GORASP2: variants seen among roughly 807,000 people sequenced by gnomAD.
The protein encoded by GORASP2 is golgi reassembly stacking protein 2, also known as Golgi reassembly-stacking protein 2.
In GORASP2, 22 loss-of-function variants were observed where a neutral mutation model predicts 45.7. The observed-to-expected ratio is 0.48, with a 90% CI of 0.34 to 0.69. The LOEUF is 0.69. GORASP2 is among the 30% of genes least tolerant of loss of function. The pLI is 0.01. For synonymous variants in GORASP2, 221 were observed against 215.6 expected (o/e 1.02, Z -0.22); for missense variants, 491 against 562.7 (o/e 0.87, Z 1.29).
In GORASP2 at chr2:170,949,643, A is replaced by G. The variant is rs1704253850; in HGVS notation, c.249A>G (p.Ser83=). Residue 83 remains serine, a synonymous_variant, in exon 3 of 10, where the codon TCA becomes TCG. Coordinates refer to ENST00000234160, the MANE Select transcript of GORASP2 (RefSeq NM_015530.5). Reference sequence around the variant, plus strand: ...AAACATTGGAACTGCGAGAGACCTCAGTCACACCAAGTAACCTGTGGGGCG... The same window carrying G: ...AAACATTGGAACTGCGAGAGACCTCGGTCACACCAAGTAACCTGTGGGGCG... ...SSKTLELRET[S]VTPSNLWGGQ... The G allele has an allele frequency of 6.2e-7, 1 of 1,613,768 alleles. No individual in the cohort carries two copies. The highest frequency in any genetic ancestry group is 1.3e-5 in the African/African-American group (1 of 74,924).
At chr2:170,945,837 A>G (rs1449120791) in intron 1 of GORASP2, among the ~76,000 whole-genome samples, 2 of 152,222 alleles carry the variant, frequency 1.3e-5, no homozygotes, top group African/African-American at 4.8e-5. Context: ...CCATTTTGAA[A>G]GTATTAAAAT....
chr2:170,931,846 T>C (rs1183348227), intron 1 of GORASP2, among the ~76,000 whole-genome samples: 4 of 152,246 alleles, frequency 2.6e-5, no homozygotes, highest in Non-Finnish European at 4.4e-5. Context: ...TGTGATCATA[T>C]TGTGTACCCA....
At chr2:170,961,560 C>G in intron 7 of GORASP2, 103 bp from the exon 8 acceptor site, 1 of 757,904 alleles carries the variant, frequency 1.3e-6, no homozygotes, top group South Asian at 1.4e-5. Context: ...AAATGAAGAC[C>G]TGACCACGGG....
chr2:170,954,446 G>C, intron 5 of GORASP2: 1 of 526,548 alleles, frequency 1.9e-6, no homozygotes, highest in Non-Finnish European at 3.4e-6. Flanking sequence ...CTGTGGGGTG[G>C]TCTGGGAGAC....
chr2:170,944,783 G>C (rs1387989665), intron 1 of GORASP2, among the ~76,000 whole-genome samples: 1 of 152,288 alleles, frequency 6.6e-6, no homozygotes, highest in Middle Eastern at 3.4e-3. Flanking sequence ...AAATTGATCA[G>C]TGACCTAGTT....
intron 1 of GORASP2, among the ~76,000 whole-genome samples, chr2:170,933,123 C>G (rs1703867808): frequency 6.6e-6 from 1 of 151,518 alleles, no homozygotes; most frequent in African/African-American, 2.4e-5. Flanking sequence ...TGTAGATATG[C>G]AAAATTACTT....
chr2:170,936,041 G>A (rs1703943867), intron 1 of GORASP2, among the ~76,000 whole-genome samples: 1 of 151,860 alleles, frequency 6.6e-6, no homozygotes, highest in African/African-American at 2.4e-5. Flanking sequence ...ATACTAACAG[G>A]GCTTTTTAAT....
At position 170,956,461 on chromosome 2, in the gene GORASP2, C is replaced by T. The variant is rs148092533; in HGVS notation, c.725C>T (p.Pro242Leu). Residue 242 changes from proline to leucine, a missense_variant, in exon 7 of 10, where the codon CCG becomes CTG. By Grantham distance (98) the Pro-to-Leu change is moderately conservative. Around this residue, in one of 2 missense-constraint regions of GORASP2, gnomAD observed 297 missense variants for 292.3 expected, o/e 1.02. Coordinates refer to ENST00000234160, the MANE Select transcript of GORASP2 (RefSeq NM_015530.5). ...TEVQLSSVNP[P>L]SLSPPGTTGI... Reference sequence around the variant, plus strand: ...GTCCAGCTGTCCTCAGTTAATCCCCCGTCTTTGTCACCACCAGGAACTACA... The same window carrying T: ...GTCCAGCTGTCCTCAGTTAATCCCCTGTCTTTGTCACCACCAGGAACTACA... The T allele has an allele frequency of 1.2e-4, 196 of 1,612,720 alleles. 3 individuals are homozygous for T. The East Asian group carries it at 3.9e-3, about 32-fold the overall frequency.
At chr2:170,936,779 C>T in intron 1 of GORASP2, 1 of 522,450 alleles carries the variant, frequency 1.9e-6, no homozygotes. Flanking sequence ...ATAATGAGAT[C>T]CGGTCTCAAT....
chr2:170,931,532 G>C (rs559174193), intron 1 of GORASP2, among the ~76,000 whole-genome samples: 2 of 152,272 alleles, frequency 1.3e-5, no homozygotes, highest in East Asian at 3.9e-4. Context: ...GTTCTAGAAC[G>C]ATTTAATTAG....
intron 1 of GORASP2, among the ~76,000 whole-genome samples, chr2:170,932,175 T>A (rs1350515546): frequency 1.3e-5 from 2 of 152,170 alleles, no homozygotes; most frequent in African/African-American, 4.8e-5. Flanking sequence ...TGCAGTGAGC[T>A]GAGATTGTGC....
At chr2:170,953,709 G>A (rs1575476562) in intron 5 of GORASP2, 2 of 152,346 alleles carry the variant, frequency 1.3e-5, no homozygotes, top group South Asian at 4.1e-4. Flanking sequence ...TAATGATATG[G>A]ATTAGCTCAT....
chr2:170,933,372 G>T (rs1377317837), intron 1 of GORASP2, among the ~76,000 whole-genome samples: 2 of 152,016 alleles, frequency 1.3e-5, no homozygotes, highest in Non-Finnish European at 2.9e-5. Flanking sequence ...TCAAATTTTT[G>T]CCTATATTTT....
chr2:170,938,695 C>T (rs1316706842), intron 1 of GORASP2, among the ~76,000 whole-genome samples: 1 of 152,154 alleles, frequency 6.6e-6, no homozygotes, highest in East Asian at 1.9e-4. Context: ...ACATAGTTAG[C>T]CTCCTCATTT....
In GORASP2 at chr2:170,948,447, G is replaced by A. The variant is rs757594022; in HGVS notation, c.144+17G>A. ...TCAAGATTAGTAAGTTCAACTTTCT[G>A]TAGTTTTGTCTATAGTATTTGTAAT... On this transcript the variant is annotated intron_variant, in intron 2 of 9. Transcript: ENST00000234160. 1.5e-5 allele frequency: 20 copies of A among 1,342,070 alleles called. No homozygotes were observed. Among genetic ancestry groups the A allele is most frequent in the Non-Finnish European group, 2.0e-5 (19 of 941,120 alleles). The allele number at this position is 1,342,070 out of a possible 1,614,324, so 83.1% of individuals were successfully genotyped here.
At chr2:170,932,732 T>TA (rs1360566564) in intron 1 of GORASP2, among the ~76,000 whole-genome samples, 1 of 152,238 alleles carries the variant, frequency 6.6e-6, no homozygotes, top group African/African-American at 2.4e-5. Context: ...GTATTTCTCT[T>TA]AGTCTCCTTT....
chr2:170,947,628 G>GT (rs1704208071), intron 1 of GORASP2, among the ~76,000 whole-genome samples: 1 of 152,068 alleles, frequency 6.6e-6, no homozygotes, highest in African/African-American at 2.4e-5. Flanking sequence ...CTTGACATAC[G>GT]TGACTATGTG....
chr2:170,950,971 G>A (rs1704286441), intron 4 of GORASP2, among the ~76,000 whole-genome samples: 1 of 151,858 alleles, frequency 6.6e-6, no homozygotes, highest in Admixed American at 6.6e-5. Context: ...AACAGTTAGA[G>A]AGACCCTGTC....
chr2:170,933,402 C>A (rs576911946), intron 1 of GORASP2, among the ~76,000 whole-genome samples: 2 of 152,072 alleles, frequency 1.3e-5, no homozygotes, highest in Non-Finnish European at 2.9e-5. Context: ...ATCCAGTGAA[C>A]CCAACAAGAC....
Sources: gnomAD v4.1 joint callset for allele counts (sites outside exome capture counted in the v4.1 genomes callset) on GRCh38, gnomAD v4.1.1 for gene constraint, gnomAD v4.1.1 regional missense constraint, MANE v1.5 for transcripts, NCBI Gene and HGNC (gene_info 2026-07-23, HGNC 2026-07-21) for gene names.